ANKRD18B: variants seen among roughly 807,000 people sequenced by gnomAD.
ANKRD18B encodes ankyrin repeat domain-containing protein 18B.
A neutral mutation model predicts 111.8 loss-of-function variants in ANKRD18B; 75 were observed. That is an observed-to-expected ratio of 0.67 (90% CI 0.56 to 0.81). The LOEUF (loss-of-function observed/expected upper bound fraction) is 0.81. Among genes scored for constraint, ANKRD18B ranks in the 40% least tolerant of loss-of-function variants. The probability of loss-of-function intolerance (pLI) is 0.00; values close to 1 mark genes in which losing one functional copy is unlikely to be tolerated. For missense variants in ANKRD18B, 1,038 were observed against 1,225.5 expected (o/e 0.85, Z 2.28); for synonymous variants, 356 against 417.3 (o/e 0.85, Z 1.79).
chr9:33,530,171 TTGTC>T, intron 3 of ANKRD18B, among the ~76,000 whole-genome samples: 1 of 152,320 alleles, frequency 6.6e-6, no homozygotes, highest in Non-Finnish European at 1.5e-5. Flanking sequence ...ACTGAAGTGA[TTGTC>T]TGCTGCAGTA....
chr9:33,532,104 G>A (rs1828125890), intron 3 of ANKRD18B, among the ~76,000 whole-genome samples: 1 of 152,072 alleles, frequency 6.6e-6, no homozygotes. Context: ...TGTGGTGGCA[G>A]GTGCCTGTAG....
intron 14 of ANKRD18B, among the ~76,000 whole-genome samples, chr9:33,565,637 A>T (rs959198672): frequency 1.3e-5 from 2 of 150,346 alleles, no homozygotes; most frequent in African/African-American, 2.4e-5. Context: ...CTAATTTTTT[A>T]AATTTGTTTT....
In ANKRD18B at chr9:33,525,002, C is replaced by A. The variant is rs190647263; in HGVS notation, c.206+307C>A. On this transcript the variant is annotated intron_variant, in intron 1 of 18. Transcript: ENST00000684830. The stretch of plus-strand genomic sequence containing the variant: ...AGCCATTTTCAGTAGGCGAAGAGTT[C>A]TCAGATAAAACCCTGTGTCGGTTTT... Among the ~76,000 whole-genome samples, 68 of 152,342 alleles carry A rather than the reference C, an allele frequency of 4.5e-4. No individual in the cohort carries two copies. In the East Asian group the frequency reaches 0.011, roughly 25 times the overall value.
chr9:33,525,067 G>T (rs1828007564), intron 1 of ANKRD18B, among the ~76,000 whole-genome samples: 1 of 152,180 alleles, frequency 6.6e-6, no homozygotes, highest in Non-Finnish European at 1.5e-5. Flanking sequence ...CTTTACTGGG[G>T]CTTCTTAGAG....
At chr9:33,546,701 T>C (rs890293140) in intron 10 of ANKRD18B, among the ~76,000 whole-genome samples, 2 of 152,154 alleles carry the variant, frequency 1.3e-5, no homozygotes, top group African/African-American at 4.8e-5. Flanking sequence ...AATTCAGCAA[T>C]ATGTAATTGT....
intron 10 of ANKRD18B, among the ~76,000 whole-genome samples, chr9:33,546,588 C>A (rs1189614947): frequency 6.6e-6 from 1 of 152,120 alleles, no homozygotes; most frequent in African/African-American, 2.4e-5. Context: ...AAAGTAAAAG[C>A]AGATGAGGCC....
rs775511786 is a variant in ANKRD18B, at chr9:33,548,099, T to C, written c.1311T>C (p.Asn437=). Reference sequence around the variant, plus strand: ...AAATTAAAAGTATTACAGAAATAAATGCTAACTTTGAAAAGAGTGTAAGAC... The same window carrying C: ...AAATTAAAAGTATTACAGAAATAAACGCTAACTTTGAAAAGAGTGTAAGAC... ...IQEIKSITEI[N]ANFEKSVRLN... Residue 437 remains asparagine (N), a synonymous_variant, in exon 11 of 19, where the codon AAT becomes AAC. Coordinates refer to ENST00000684830, the MANE Select transcript of ANKRD18B (RefSeq NM_001393611.1). 6.5e-6 allele frequency: 10 copies of C among 1,532,672 alleles called. No individual in the cohort carries two copies. In the South Asian group the frequency reaches 1.3e-4, roughly 19 times the overall value. The allele number at this position is 1,532,672 out of a possible 1,614,324, so 94.9% of individuals were successfully genotyped here.
intron 13 of ANKRD18B, among the ~76,000 whole-genome samples, chr9:33,557,202 CT>C (rs1194769623): frequency 1.3e-5 from 2 of 152,036 alleles, no homozygotes; most frequent in Non-Finnish European, 1.5e-5. Context: ...TCCACCTTTC[CT>C]TTTTTCTAAA....
Position 33,548,965 on chromosome 9 carries a change from C to T in ANKRD18B, c.2067+110C>T, listed in dbSNP as rs1057229746. 15 of 1,107,966 alleles carry T rather than the reference C, an allele frequency of 1.4e-5. No homozygotes were observed. In the African/African-American group the frequency reaches 2.2e-4, roughly 16 times the overall value. 68.6% of individuals were successfully genotyped at this position (1,107,966 alleles called of 1,614,324 possible). A position where few individuals can be genotyped will look rare whatever the true frequency, so the allele number is the denominator to read the frequency against. On this transcript the variant is annotated intron_variant, in intron 11 of 18. Transcript: ENST00000684830. ...AAATAAATAGATGAAAATGTGTTTA[C>T]CATTCTGTATAATTCCATTTACATG...
At position 33,524,667 on chromosome 9, in the gene ANKRD18B, G is replaced by T; in HGVS notation, c.178G>T (p.Asp60Tyr). 6.4e-7 allele frequency: 1 copy of T among 1,550,864 alleles called. No individual in the cohort carries two copies. Among genetic ancestry groups the T allele is most frequent in the Non-Finnish European group, 8.7e-7 (1 of 1,146,716 alleles). ...VEHCLTRRFRDLDVRDRKDRT... is the reference protein window; with the variant it reads ...VEHCLTRRFRYLDVRDRKDRT... ...GCACTGCCTGACGCGCAGGTTCCGG[G>T]ACTTGGACGTCCGCGACAGAAAAGA... The change falls in exon 1 of 19, where the codon GAC becomes TAC. Residue 60 changes from aspartate to tyrosine, a missense_variant. Around this residue, in one of 4 missense-constraint regions of ANKRD18B, gnomAD observed 216 missense variants for 205.1 expected, o/e 1.05. Coordinates refer to ENST00000684830, the MANE Select transcript of ANKRD18B (RefSeq NM_001393611.1).
At position 33,534,352 on chromosome 9, in the gene ANKRD18B, A is replaced by G; in HGVS notation, c.603-18A>G. The G allele has an allele frequency of 6.6e-7, 1 of 1,520,966 alleles. No homozygotes were observed. The allele number at this position is 1,520,966 out of a possible 1,614,324, so 94.2% of individuals were successfully genotyped here. A position where few individuals can be genotyped will look rare whatever the true frequency, so the allele number is the denominator to read the frequency against. On this transcript the variant is annotated intron_variant, in intron 4 of 18. Transcript: ENST00000684830. Reference sequence around the variant, plus strand: ...TTTATCAAAGTTCTTGAGTGCTGTTATTTCTTTATTGTTTTAGAACAGCCC... The same window carrying G: ...TTTATCAAAGTTCTTGAGTGCTGTTGTTTCTTTATTGTTTTAGAACAGCCC...
At chr9:33,541,757 C>G (rs544581565) in intron 9 of ANKRD18B, among the ~76,000 whole-genome samples, 24 of 152,058 alleles carry the variant, frequency 1.6e-4, no homozygotes, top group African/African-American at 5.8e-4. Context: ...GTCTTTTTCT[C>G]GGAATTATGC....
At chr9:33,531,740 A>G (rs1031263297) in intron 3 of ANKRD18B, among the ~76,000 whole-genome samples, 12 of 151,370 alleles carry the variant, frequency 7.9e-5, no homozygotes, top group African/African-American at 2.9e-4. Flanking sequence ...TATATAGTCT[A>G]TAGTTTATAT....
chr9:33,568,692 G>C lies in ANKRD18B; in HGVS notation c.2976G>C (p.Val992=), dbSNP rs778186448. The C allele has an allele frequency of 6.5e-7, 1 of 1,548,070 alleles. No homozygotes were observed. Among genetic ancestry groups the C allele is most frequent in the African/African-American group, 1.4e-5 (1 of 72,874 alleles). The change falls in exon 17 of 19, where the codon GTG becomes GTC. Residue 992 remains valine (V), a synonymous_variant. Transcript: ENST00000684830. ...ACAGATCGGATAAGAAAATAGCTGT[G>C]ATCAGCACCAAGCTCTTTATGGAGA... ...KITKSDKKIA[V]ISTKLFMEKE...
At chr9:33,567,928 G>T (rs139008000) in intron 16 of ANKRD18B, among the ~76,000 whole-genome samples, 33 of 152,340 alleles carry the variant, frequency 2.2e-4, no homozygotes, top group African/African-American at 5.5e-4. Context: ...ATAACACCTT[G>T]TTCAGCCTGA....
chr9:33,560,777 G>A (rs1247084197), intron 14 of ANKRD18B, among the ~76,000 whole-genome samples: 5 of 152,074 alleles, frequency 3.3e-5, no homozygotes, highest in East Asian at 3.9e-4. Context: ...TGGCCAACAT[G>A]GTGAAACCCT....
intron 1 of ANKRD18B, 131 bp from the exon 2 acceptor site, chr9:33,528,596 C>T: frequency 2.9e-6 from 2 of 693,070 alleles, no homozygotes; most frequent in Non-Finnish European, 2.4e-6. Flanking sequence ...AAATATTGTA[C>T]TTTCTTCAAA....
At chr9:33,528,455 C>T (rs1181280651) in intron 1 of ANKRD18B, among the ~76,000 whole-genome samples, 1 of 152,180 alleles carries the variant, frequency 6.6e-6, no homozygotes, top group Non-Finnish European at 1.5e-5. Context: ...CACAGAAAGG[C>T]TAAGCAATAG....
intron 12 of ANKRD18B, among the ~76,000 whole-genome samples, chr9:33,552,034 A>T (rs1399528281): frequency 6.6e-6 from 1 of 152,280 alleles, no homozygotes; most frequent in African/African-American, 2.4e-5. Flanking sequence ...ACTTAAAGGG[A>T]AAATAATATA....
Sources: gnomAD v4.1 joint callset for allele counts (sites outside exome capture counted in the v4.1 genomes callset) on GRCh38, gnomAD v4.1.1 for gene constraint, gnomAD v4.1.1 regional missense constraint, MANE v1.5 for transcripts, NCBI Gene and HGNC (gene_info 2026-07-23, HGNC 2026-07-21) for gene names.